SHISA9: variants seen among roughly 807,000 people sequenced by gnomAD.
SHISA9 encodes the protein protein shisa-9.
A neutral mutation model predicts 38.0 loss-of-function variants in SHISA9; 13 were observed. That is an observed-to-expected ratio of 0.34 (90% CI 0.22 to 0.54). SHISA9 has a LOEUF of 0.54. SHISA9 is among the 20% of genes least tolerant of loss of function. SHISA9 has a pLI of 0.91. For synonymous variants in SHISA9, 275 were observed against 242.0 expected, an observed-to-expected ratio of 1.14 and a Z score of -1.27; for missense variants, 538 against 575.8, an observed-to-expected ratio of 0.93 and a Z score of 0.67.
intron 2 of SHISA9, among the ~76,000 whole-genome samples, chr16:12,942,071 T>C (rs1383367725): frequency 6.6e-6 from 1 of 152,086 alleles, no homozygotes; most frequent in Non-Finnish European, 1.5e-5. Flanking sequence ...CTCAGTGCAG[T>C]GACAGCCTGA....
At chr16:13,552,868 C>A in the SHISA9 span, among the ~76,000 whole-genome samples, 3 of 152,012 alleles carry the variant, frequency 2.0e-5, no homozygotes, top group Non-Finnish European at 4.4e-5. Context: ...ACAAAAGCCA[C>A]AAAAGGAGCA....
intron 2 of SHISA9, among the ~76,000 whole-genome samples, chr16:12,947,857 C>A (rs868816008): frequency 5.3e-5 from 8 of 152,112 alleles, no homozygotes; most frequent in African/African-American, 1.7e-4. Flanking sequence ...GAGTGATCCC[C>A]CAAGTAGTGA....
chr16:13,303,806 C>A, the SHISA9 span, among the ~76,000 whole-genome samples: 1 of 152,256 alleles, frequency 6.6e-6, no homozygotes. Context: ...AATATGATTG[C>A]GTGAGAATGA....
the SHISA9 span, among the ~76,000 whole-genome samples, chr16:13,410,717 A>G: frequency 6.6e-6 from 1 of 152,240 alleles, no homozygotes; most frequent in South Asian, 2.1e-4. Context: ...CTCAATAAAC[A>G]AAGCCTGTCA....
chr16:12,943,065 G>A (rs368701292), intron 2 of SHISA9, among the ~76,000 whole-genome samples: 11 of 152,116 alleles, frequency 7.2e-5, no homozygotes, highest in African/African-American at 2.7e-4. Flanking sequence ...GAAGGAGAGA[G>A]CACATTTCCC....
At chr16:13,550,925 C>T in the SHISA9 span, among the ~76,000 whole-genome samples, 2 of 152,034 alleles carry the variant, frequency 1.3e-5, no homozygotes, top group Non-Finnish European at 2.9e-5. Flanking sequence ...CGTTCGAGAC[C>T]AGCCTGGCCA....
intron 2 of SHISA9, among the ~76,000 whole-genome samples, chr16:13,187,425 C>T (rs1487687551): frequency 2.0e-5 from 3 of 150,388 alleles, no homozygotes; most frequent in Non-Finnish European, 2.9e-5. Flanking sequence ...GCCTCCACCT[C>T]CTGTGTTCAA....
chr16:13,410,613 A>G, the SHISA9 span, among the ~76,000 whole-genome samples: 1 of 152,226 alleles, frequency 6.6e-6, no homozygotes, highest in African/African-American at 2.4e-5. Context: ...AAAACAAAAA[A>G]AAAGTGTTTG....
chr16:12,925,883 G>T (rs1489243780), intron 2 of SHISA9, among the ~76,000 whole-genome samples: 1 of 151,812 alleles, frequency 6.6e-6, no homozygotes, highest in Non-Finnish European at 1.5e-5. Context: ...GCTCTTTTTG[G>T]TATTATTATT....
At chr16:13,351,528 T>C in the SHISA9 span, among the ~76,000 whole-genome samples, 2 of 152,040 alleles carry the variant, frequency 1.3e-5, no homozygotes, top group Non-Finnish European at 2.9e-5. Context: ...CCAGGTCCCA[T>C]TTCCCCACCC....
At chr16:13,304,349 C>T in the SHISA9 span, among the ~76,000 whole-genome samples, 1 of 152,212 alleles carries the variant, frequency 6.6e-6, no homozygotes, top group Non-Finnish European at 1.5e-5. Flanking sequence ...GCCTCAATCT[C>T]CCCAGGCTCA....
At chr16:13,061,893 G>C (rs1193079351) in intron 2 of SHISA9, among the ~76,000 whole-genome samples, 1 of 152,194 alleles carries the variant, frequency 6.6e-6, no homozygotes, top group Non-Finnish European at 1.5e-5. Context: ...GGTGGGGGGA[G>C]GAGCATTCTA....
chr16:12,957,679 A>G (rs887101968), intron 2 of SHISA9, among the ~76,000 whole-genome samples: 5 of 152,188 alleles, frequency 3.3e-5, no homozygotes, highest in African/African-American at 9.7e-5. Context: ...CATTCAGTCT[A>G]TGACAGGCTT....
At chr16:13,064,845 A>G (rs2141914992) in intron 2 of SHISA9, among the ~76,000 whole-genome samples, 1 of 151,816 alleles carries the variant, frequency 6.6e-6, no homozygotes, top group African/African-American at 2.4e-5. Context: ...CCCTCACCAG[A>G]GTGGGATATA....
At chr16:13,546,340 A>C in the SHISA9 span, among the ~76,000 whole-genome samples, 1 of 152,172 alleles carries the variant, frequency 6.6e-6, no homozygotes, top group Non-Finnish European at 1.5e-5. Flanking sequence ...TCAGTTTTGC[A>C]TGTTAGTATC....
chr16:13,235,134 C>A lies in SHISA9; in HGVS notation c.1000C>A (p.Arg334=), dbSNP rs1264100875. Reference sequence around the variant, plus strand: ...CCCCGTAAGAGTGGAGGACGAGCCCCGGGCCTTCAGCCCTGAGCACGGTCC... The same window carrying A: ...CCCCGTAAGAGTGGAGGACGAGCCCAGGGCCTTCAGCCCTGAGCACGGTCC... ...LHPVRVEDEP[R]AFSPEHGPAK... is the part of the protein sequence containing the mutation. Residue 334 remains arginine, a synonymous_variant, in exon 5 of 5, where the codon CGG becomes AGG. Coordinates refer to ENST00000558583, the MANE Select transcript of SHISA9 (RefSeq NM_001145204.3). The A allele has an allele frequency of 6.4e-7, 1 of 1,551,706 alleles. No homozygotes were observed.
At chr16:13,372,971 G>T in the SHISA9 span, among the ~76,000 whole-genome samples, 1 of 152,014 alleles carries the variant, frequency 6.6e-6, no homozygotes, top group South Asian at 2.1e-4. Flanking sequence ...ATACATATCT[G>T]TGCTTTAAAC....
At chr16:13,342,607 CA>C in the SHISA9 span, among the ~76,000 whole-genome samples, 1 of 152,164 alleles carries the variant, frequency 6.6e-6, no homozygotes, top group Non-Finnish European at 1.5e-5. Flanking sequence ...TTTGTGGCTA[CA>C]AGATCCTTTG....
the SHISA9 span, among the ~76,000 whole-genome samples, chr16:13,341,533 A>G: frequency 1.3e-5 from 2 of 152,192 alleles, no homozygotes; most frequent in African/African-American, 4.8e-5. Flanking sequence ...CACTCTGAGA[A>G]ACATAAAAGA....
Sources: allele counts gnomAD v4.1 joint callset (sites outside exome capture counted in the v4.1 genomes callset), GRCh38; gene constraint gnomAD v4.1.1; transcripts MANE v1.5; gene names NCBI Gene and HGNC (gene_info 2026-07-23, HGNC 2026-07-21).